The following ZFP37 variants were observed in gnomAD, a reference collection of about 807,000 sequenced individuals.
ZFP37 encodes the protein zinc finger protein 37 homolog.
ZFP37 carries 38 observed loss-of-function variants against 52.1 expected under a neutral mutation model. The ratio of observed to expected loss-of-function variants is 0.73; its 90% CI spans 0.56 to 0.96. ZFP37 has a LOEUF of 0.96. Ranked by LOEUF, ZFP37 falls within the 40% of genes least tolerant of loss-of-function variation. The pLI is 0.00. For missense variants in ZFP37, 695 were observed against 741.4 expected (o/e 0.94, Z 0.73); for synonymous variants, 253 against 259.5 (o/e 0.98, Z 0.24).
intron 1 of ZFP37, among the ~76,000 whole-genome samples, chr9:113,051,682 T>C (rs1829060522): frequency 6.6e-6 from 1 of 152,130 alleles, no homozygotes; most frequent in African/African-American, 2.4e-5. Context: ...CTCAAACTCC[T>C]GGGCTCAAGC....
chr9:113,050,046 T>G, intron 1 of ZFP37, 174 bp from the exon 2 acceptor site: 5 of 1,047,880 alleles, frequency 4.8e-6, no homozygotes, highest in Non-Finnish European at 6.5e-6. Flanking sequence ...ACCTATTCTC[T>G]ACTCAATTTT....
rs980223029 is a variant in ZFP37 at position 113,047,611 on chromosome 9, A to G, written c.349+1751T>C. 8.5e-5 allele frequency among the ~76,000 whole-genome samples: 13 copies of G among 152,226 alleles called. No individual in the cohort carries two copies. In the East Asian group the frequency reaches 2.3e-3, roughly 27 times the overall value. Reference sequence around the variant, plus strand: ...TGAAAAAAAAGAGAAAAAATTAGGGAAAAAAATGGATTTAGCAAATTTACC... The same window carrying G: ...TGAAAAAAAAGAGAAAAAATTAGGGGAAAAAATGGATTTAGCAAATTTACC... On this transcript the variant is annotated intron_variant, in intron 3 of 3. Transcript: ENST00000374227.
chr9:113,043,170 T>C lies in ZFP37; in HGVS notation c.1448A>G (p.His483Arg). ...KSHLIIHQRT[H>R]TKEKPYKCNE... ...ACATTTATAAGGTTTCTCCTTAGTA[T>C]GAGTTCTTTGATGTATAATGAGGTG... is the stretch of plus-strand genomic sequence containing the variant. Residue 483 changes from histidine (H) to arginine (R), a missense_variant, in exon 4 of 4, where the codon CAT (histidine) becomes CGT (arginine). By Grantham distance (29) the His-to-Arg change is conservative. This residue lies in a region of ZFP37 where 326 missense variants were observed against 400.5 expected (regional missense o/e 0.81). Coordinates refer to ENST00000374227, the MANE Select transcript of ZFP37 (RefSeq NM_003408.3). The C allele has an allele frequency of 6.2e-7, 1 of 1,613,878 alleles. No individual in the cohort carries two copies. Among genetic ancestry groups the C allele is most frequent in the Non-Finnish European group, 8.5e-7 (1 of 1,179,958 alleles).
chr9:113,044,786 T>G (rs1828922830), intron 3 of ZFP37, among the ~76,000 whole-genome samples: 1 of 152,164 alleles, frequency 6.6e-6, no homozygotes, highest in Non-Finnish European at 1.5e-5. Context: ...AGTCTCCACT[T>G]GGTACTTAAA....
rs1488579616 is a variant in ZFP37, at chr9:113,043,084, T to C, written c.1534A>G (p.Thr512Ala). 1 of 1,613,638 alleles carries C rather than the reference T, an allele frequency of 6.2e-7. No homozygotes were observed. Among genetic ancestry groups the C allele is most frequent in the South Asian group, 1.1e-5 (1 of 91,076 alleles). Residue 512 changes from threonine (T) to alanine (A), a missense_variant, in exon 4 of 4, where the codon ACA becomes GCA. Transcript: ENST00000374227. ...TTACATTCAAAGGGACTTTCACCTG[T>C]ATGAGTTCTCATATGGTAAGTAAGA... ...SSLTYHMRTH[T>A]GESPFECNQC...
intron 1 of ZFP37, among the ~76,000 whole-genome samples, chr9:113,056,205 C>A (rs1829141325): frequency 6.6e-6 from 1 of 152,106 alleles, no homozygotes; most frequent in South Asian, 2.1e-4. Context: ...CCACCACAGG[C>A]ACCCATAATC....
chr9:113,048,823 A>C (rs867295812), intron 3 of ZFP37, among the ~76,000 whole-genome samples: 2 of 152,276 alleles, frequency 1.3e-5, no homozygotes, highest in Non-Finnish European at 2.9e-5. Context: ...TGCTTTGACT[A>C]ATAAAATATG....
At chr9:113,049,714 A>G (rs929294599) in intron 2 of ZFP37, 77 bp downstream of exon 2, 4 of 1,548,862 alleles carry the variant, frequency 2.6e-6, no homozygotes, top group Admixed American at 4.0e-5. Context: ...ACAAAAATGA[A>G]GGCCAAACTT....
At chr9:113,055,878 A>G (rs1345970823) in intron 1 of ZFP37, among the ~76,000 whole-genome samples, 1 of 152,150 alleles carries the variant, frequency 6.6e-6, no homozygotes, top group Non-Finnish European at 1.5e-5. Flanking sequence ...AAGCACAGTT[A>G]TTACTGCTAG....
chr9:113,049,266 T>A, intron 3 of ZFP37, 96 bp downstream of exon 3: 2 of 1,340,420 alleles, frequency 1.5e-6, no homozygotes, highest in Non-Finnish European at 2.0e-6. Flanking sequence ...TGATTTTTTC[T>A]ATTGCTATTT....
Position 113,043,587 on chromosome 9 carries a change from G to T in ZFP37, c.1031C>A (p.Thr344Asn), listed in dbSNP as rs1828894455. 1 of 1,613,970 alleles carries T rather than the reference G, an allele frequency of 6.2e-7. No homozygotes were observed. The highest frequency in any genetic ancestry group is 8.5e-7 in the Non-Finnish European group (1 of 1,179,918). ...AATACATTCATATGGTTTTTCTCCG[G>T]TGTGAGTTCTCTGATGTACAACAAG... is the stretch of plus-strand genomic sequence containing the variant. ...SHLVVHQRTH[T>N]GEKPYECIQC... The change falls in exon 4 of 4, where the codon ACC (threonine) becomes AAC (asparagine). Residue 344 changes from threonine (T) to asparagine (N), a missense_variant. Thr to Asn is a moderately conservative substitution (Grantham distance 65). Around this residue, in one of 2 missense-constraint regions of ZFP37, gnomAD observed 326 missense variants for 400.5 expected, o/e 0.81. Transcript: ENST00000374227.
intron 1 of ZFP37, among the ~76,000 whole-genome samples, chr9:113,054,726 C>T (rs1829112823): frequency 6.6e-6 from 1 of 152,230 alleles, no homozygotes; most frequent in Non-Finnish European, 1.5e-5. Context: ...TCTCTTTCCT[C>T]ATACTCCATA....
chr9:113,056,051 AC>A (rs1221353228), intron 1 of ZFP37, among the ~76,000 whole-genome samples: 2 of 137,010 alleles, frequency 1.5e-5, no homozygotes, highest in East Asian at 5.0e-4. Context: ...TTACCCACTG[AC>A]CCTCAAAGAT....
chr9:113,049,410 C>G lies in ZFP37; in HGVS notation c.301G>C (p.Gly101Arg). ...WLGKGKRPSQ[G>R]CPSKIARPKQ... is the part of the protein sequence containing the mutation. ...GGTCTTGCTATTTTACTTGGACAAC[C>G]TTGACTGGGTCTTTTCCCCTTCCCC... The change falls in exon 3 of 4, where the codon GGT becomes CGT. Residue 101 changes from glycine (G) to arginine (R), a missense_variant. Physicochemically the swap from Gly to Arg is moderately radical, Grantham distance 125. Transcript: ENST00000374227. 1 of 1,614,130 alleles carries G rather than the reference C, an allele frequency of 6.2e-7. No homozygotes were observed. Among genetic ancestry groups the G allele is most frequent in the Non-Finnish European group, 8.5e-7 (1 of 1,179,994 alleles).
rs1371558193 is a variant in ZFP37, at chr9:113,056,634, T to G, written c.55A>C (p.Arg19=). The part of the protein sequence containing the change: ...ILTKPETVDR[R]RSAETTKEAG... ...TCTTTGGTCGTTTCCGCACTTCTCC[T>G]CCGGTCCACGGTCTCTGGCTTTGTC... Residue 19 remains arginine, a synonymous_variant, in exon 1 of 4, where the codon AGG becomes CGG. Coordinates refer to ENST00000374227, the MANE Select transcript of ZFP37 (RefSeq NM_003408.3). 6.2e-7 allele frequency: 1 copy of G among 1,613,950 alleles called. No homozygotes were observed.
Position 113,043,058 on chromosome 9 carries a change from A to G in ZFP37, c.1560T>C (p.Asn520=). The change falls in exon 4 of 4, where the codon AAT becomes AAC. Residue 520 remains asparagine, a synonymous_variant. Transcript: ENST00000374227. ...TTTGTTTAAAGCCTTTCCCACATTG[A>G]TTACATTCAAAGGGACTTTCACCTG... The part of the protein sequence containing the change: ...THTGESPFEC[N]QCGKGFKQIE... The G allele has an allele frequency of 1.2e-6, 2 of 1,613,604 alleles. No individual in the cohort carries two copies. Among genetic ancestry groups the G allele is most frequent in the Non-Finnish European group, 1.7e-6 (2 of 1,179,964 alleles).
At chr9:113,054,925 A>G (rs897237051) in intron 1 of ZFP37, among the ~76,000 whole-genome samples, 3 of 152,214 alleles carry the variant, frequency 2.0e-5, no homozygotes, top group Non-Finnish European at 2.9e-5. Context: ...TGAGGTAGCC[A>G]TGGTGATCTT....
rs985175222 is a variant in ZFP37, at chr9:113,050,385, C to G, written c.133-513G>C. ...TGGCTGAGAGAGTGAGACCCTGTCT[C>G]GACAAACAGAAATGTCCCTATTGTG... On this transcript the variant is annotated intron_variant, in intron 1 of 3. Coordinates refer to ENST00000374227, the MANE Select transcript of ZFP37 (RefSeq NM_003408.3). 2.7e-5 allele frequency among the ~76,000 whole-genome samples: 4 copies of G among 148,430 alleles called. No homozygotes were observed. In the South Asian group the frequency reaches 8.5e-4, roughly 31 times the overall value.
Position 113,043,784 on chromosome 9 carries a change from G to A in ZFP37, c.834C>T (p.Ser278=). ...GAGGTTTTTCATGCTTAGTAGATGA[G>A]CTAAGGCTGGGTGATTTCTCATGTT... The part of the protein sequence containing the change: ...GEKHEKSPSL[S]SSTKHEKPQA... The change falls in exon 4 of 4, where the codon AGC becomes AGT. Residue 278 remains serine (S), a synonymous_variant. Coordinates refer to ENST00000374227, the MANE Select transcript of ZFP37 (RefSeq NM_003408.3). The A allele has an allele frequency of 1.9e-6, 3 of 1,614,010 alleles. No homozygotes were observed. The highest frequency in any genetic ancestry group is 1.1e-5 in the South Asian group (1 of 91,076).
Sources: allele counts gnomAD v4.1 joint callset (sites outside exome capture counted in the v4.1 genomes callset), GRCh38; gene constraint gnomAD v4.1.1; regional missense constraint gnomAD v4.1.1; transcripts MANE v1.5; gene names NCBI Gene and HGNC (gene_info 2026-07-23, HGNC 2026-07-21).